Variants in PAK1 observed in about 807,000 individuals in gnomAD.
PAK1 encodes p21 (RAC1) activated kinase 1.
Under a neutral mutation model 67.4 loss-of-function variants are expected in PAK1, and 29 were observed. The observed-to-expected ratio is 0.43, with a 90% CI of 0.32 to 0.59. The LOEUF (loss-of-function observed/expected upper bound fraction) is 0.59. Ranked by LOEUF, PAK1 falls within the 20% of genes least tolerant of loss-of-function variation. The pLI, the probability that PAK1 is intolerant of heterozygous loss-of-function variation, is 0.07. For synonymous variants in PAK1, 223 were observed against 237.4 expected (o/e 0.94, Z 0.56); for missense variants, 337 against 670.7 (o/e 0.50, Z 5.50).
the PAK1 span, among the ~76,000 whole-genome samples, chr11:77,496,492 G>C: frequency 1.4e-4 from 22 of 152,196 alleles, no homozygotes; most frequent in East Asian, 4.1e-3. Context: ...CAGCGTGGTG[G>C]TGCACGCTTG....
At chr11:77,482,589 C>CTTTTTTTTTT in the PAK1 span, among the ~76,000 whole-genome samples, 1 of 137,628 alleles carries the variant, frequency 7.3e-6, no homozygotes, top group African/African-American at 2.8e-5. Context: ...TTCCCTCACT[C>CTTTTTTTTTT]TTTTTTTCTT....
upstream of PAK1, among the ~76,000 whole-genome samples, chr11:77,478,924 A>G (rs1958088321): frequency 6.8e-6 from 1 of 147,656 alleles, no homozygotes; most frequent in Admixed American, 6.8e-5. Context: ...AAAATACAAA[A>G]AAAAAAAAAA....
chr11:77,437,656 T>C (rs770882154), intron 1 of PAK1, among the ~76,000 whole-genome samples: 4 of 152,088 alleles, frequency 2.6e-5, no homozygotes, highest in African/African-American at 7.2e-5. Context: ...AAACATCCTA[T>C]GAGGCACAGG....
chr11:77,399,325 A>C (rs1952280858), intron 1 of PAK1, among the ~76,000 whole-genome samples: 1 of 152,226 alleles, frequency 6.6e-6, no homozygotes, highest in African/African-American at 2.4e-5. Flanking sequence ...ATGTCCAAAC[A>C]CACATGAAAG....
chr11:77,381,138 AGTGT>A (rs34083265), intron 2 of PAK1, among the ~76,000 whole-genome samples: 3,149 of 144,384 alleles, frequency 0.022, 52 homozygotes, highest in African/African-American at 0.04. Flanking sequence ...CTCACCACAG[AGTGT>A]GTGTGTGTGT....
At chr11:77,333,791 T>C (rs1942166256) in intron 13 of PAK1, among the ~76,000 whole-genome samples, 1 of 152,208 alleles carries the variant, frequency 6.6e-6, no homozygotes, top group Non-Finnish European at 1.5e-5. Context: ...TCTAATTTAA[T>C]GGCCACAATT....
chr11:77,379,375 T>A lies in PAK1; in HGVS notation c.305A>T (p.Gln102Leu). The change falls in exon 4 of 15, where the codon CAG becomes CTG. Residue 102 changes from glutamine to leucine, a missense_variant. Gln to Leu is a moderately radical substitution (Grantham distance 113, BLOSUM62 -2). Transcript: ENST00000356341. ...TGATGTCTGAAGCAAGCGGGCCCAC[T>A]GCTCTGGCATTCCCTGTAAGAGAGA... ...VTGEFTGMPE[Q>L]WARLLQTSNI... 6.2e-7 allele frequency: 1 copy of A among 1,613,414 alleles called. No individual in the cohort carries two copies. The highest frequency in any genetic ancestry group is 8.5e-7 in the Non-Finnish European group (1 of 1,179,890).
At chr11:77,343,686 A>G in intron 10 of PAK1, 133 bp downstream of exon 10, 3 of 662,388 alleles carry the variant, frequency 4.5e-6, no homozygotes, top group Non-Finnish European at 8.2e-6. Context: ...GGTCACATAC[A>G]GAGAGCTCAG....
chr11:77,528,217 A>G, the PAK1 span, among the ~76,000 whole-genome samples: 1 of 152,196 alleles, frequency 6.6e-6, no homozygotes, highest in African/African-American at 2.4e-5. Flanking sequence ...TAAGAACTTA[A>G]GAAAACATAG....
chr11:77,335,596 AAC>A (rs1272389073), intron 13 of PAK1, among the ~76,000 whole-genome samples: 1 of 152,154 alleles, frequency 6.6e-6, no homozygotes, highest in Non-Finnish European at 1.5e-5. Context: ...GAACTATTAC[AAC>A]AGTCTCTCGC....
the PAK1 span, among the ~76,000 whole-genome samples, chr11:77,495,332 G>C: frequency 6.6e-6 from 1 of 151,778 alleles, no homozygotes; most frequent in African/African-American, 2.4e-5. Flanking sequence ...AAATTAGCCA[G>C]GCGCGGTGGT....
At chr11:77,350,475 A>C (rs565040809) in intron 8 of PAK1, among the ~76,000 whole-genome samples, 1 of 152,334 alleles carries the variant, frequency 6.6e-6, no homozygotes, top group African/African-American at 2.4e-5. Context: ...CATTCAAAAT[A>C]ACTAAAACCC....
chr11:77,374,252 G>A, intron 5 of PAK1, 76 bp downstream of exon 5: 2 of 945,162 alleles, frequency 2.1e-6, no homozygotes, highest in African/African-American at 3.3e-5. Context: ...CCCAGCTCAG[G>A]CTCTGCCTCT....
rs150830172 is a variant in PAK1 at position 77,392,491 on chromosome 11, G to C, written c.30C>G (p.Asp10Glu). The part of the protein sequence containing the change: MSNNGLDIQ[D>E]KPPAPPMRNT... ...TTCTCATCGGAGGGGCTGGGGGTTT[G>C]TCTTGAATGTCTAGGCCGTTATTTG... is the stretch of plus-strand genomic sequence containing the variant. The change falls in exon 2 of 15, where the codon GAC becomes GAG. Residue 10 changes from aspartate to glutamate, a missense_variant. This residue lies in a region of PAK1 where 27 missense variants were observed against 37.0 expected (regional missense o/e 0.73). Transcript: ENST00000356341. 5.0e-6 allele frequency: 8 copies of C among 1,611,908 alleles called. No homozygotes were observed. Among genetic ancestry groups the C allele is most frequent in the Non-Finnish European group, 6.8e-6 (8 of 1,178,606 alleles).
intron 1 of PAK1, among the ~76,000 whole-genome samples, chr11:77,437,887 T>C (rs1202761507): frequency 6.6e-6 from 1 of 152,180 alleles, no homozygotes; most frequent in Non-Finnish European, 1.5e-5. Flanking sequence ...TACAAAAGAA[T>C]AGATATTCAA....
chr11:77,419,808 G>A (rs1955160775), intron 1 of PAK1, among the ~76,000 whole-genome samples: 1 of 152,170 alleles, frequency 6.6e-6, no homozygotes, highest in South Asian at 2.1e-4. Flanking sequence ...GTAGTAATTA[G>A]ATGGTGAGGC....
the PAK1 span, among the ~76,000 whole-genome samples, chr11:77,529,265 A>G: frequency 6.6e-6 from 1 of 152,166 alleles, no homozygotes; most frequent in African/African-American, 2.4e-5. Context: ...GCCCATTTAG[A>G]ATCATTTTGC....
chr11:77,351,736 G>C (rs1235235906), intron 8 of PAK1, among the ~76,000 whole-genome samples: 3 of 151,248 alleles, frequency 2.0e-5, no homozygotes, highest in Non-Finnish European at 2.9e-5. Flanking sequence ...AGAAATTCTT[G>C]GGTGTATAAT....
In PAK1 at chr11:77,345,281, A is replaced by C. The variant is rs1892789; in HGVS notation, c.886-1350T>G. Among the ~76,000 whole-genome samples the C allele has an allele frequency of 9.8e-3, 1,487 of 152,240 alleles. 31 individuals carry two copies. The highest frequency in any genetic ancestry group is 0.035 in the African/African-American group (1,436 of 41,542). On this transcript the variant is annotated intron_variant, in intron 9 of 14. Transcript: ENST00000356341. ...TGGTGCTCAACAAATGTCTGTAGAA[A>C]GGAAGATGGCAAGAGAGAAATCAGT...
Sources: allele counts gnomAD v4.1 joint callset (sites outside exome capture counted in the v4.1 genomes callset), GRCh38; gene constraint gnomAD v4.1.1; regional missense constraint gnomAD v4.1.1; transcripts MANE v1.5; gene names NCBI Gene and HGNC (gene_info 2026-07-23, HGNC 2026-07-21).